CLRN1: variants seen among roughly 807,000 people sequenced by gnomAD.
CLRN1 encodes clarin 1.
CLRN1 carries 15 observed loss-of-function variants against 18.7 expected under a neutral mutation model. The observed-to-expected ratio is 0.80, with a 90% confidence interval of 0.54 to 1.23. The LOEUF (loss-of-function observed/expected upper bound fraction) is 1.23. CLRN1 is among the 50% of genes most tolerant of loss of function. The pLI is 0.00. For synonymous variants in CLRN1, 104 were observed against 102.9 expected, an observed-to-expected ratio of 1.01 and a Z score of -0.07; for missense variants, 311 against 277.5, an observed-to-expected ratio of 1.12 and a Z score of -0.86.
upstream of CLRN1, chr3:150,972,745 A>G: frequency 1.9e-6 from 3 of 1,614,128 alleles, no homozygotes; most frequent in Non-Finnish European, 2.5e-6. Context: ...AGGTTCAAAA[A>G]CAAGACCTTT....
chr3:150,969,292 A>AATATATATAT lies in CLRN1; in HGVS notation c.253+3154_253+3163dup, dbSNP rs766087778. On this transcript the variant is annotated intron_variant, in intron 1 of 2. Transcript: ENST00000327047. ...AGTACATATGTGGCTTGTGGCTTGT[A>AATATATATAT]ATATATATATATATATATATATTTT... is the stretch of plus-strand genomic sequence containing the variant. Among the ~76,000 whole-genome samples, 263 of 61,386 alleles carry AATATATATAT rather than the reference A, an allele frequency of 4.3e-3. 2 individuals are homozygous for AATATATATAT. Among genetic ancestry groups the AATATATATAT allele is most frequent in the East Asian group, 0.028 (46 of 1,658 alleles). The allele number at this position is 61,386 out of a possible 152,430, so 40.3% of individuals were successfully genotyped here.
At chr3:150,942,583 A>T (rs1438747703) in intron 1 of CLRN1, 4 of 455,418 alleles carry the variant, frequency 8.8e-6, no homozygotes, top group Middle Eastern at 3.2e-4. Context: ...TAGGTGTTGG[A>T]AGTAGAGCCA....
chr3:150,929,889 T>C (rs1713047967), intron 2 of CLRN1, among the ~76,000 whole-genome samples: 1 of 152,256 alleles, frequency 6.6e-6, no homozygotes, highest in Non-Finnish European at 1.5e-5. Flanking sequence ...ACTAATTTTA[T>C]GTCTCCTTTA....
rs1328153374 is a variant in CLRN1, at chr3:150,969,867, T to C, written c.253+2589A>G. The stretch of plus-strand genomic sequence containing the variant: ...GGTGCACGCCTGTAGTCCCAGCTAC[T>C]TGGGAGGCTGAGGCAGGAGAATCGC... On this transcript the variant is annotated intron_variant, in intron 1 of 2. Coordinates refer to ENST00000327047, the MANE Select transcript of CLRN1 (RefSeq NM_174878.3). Among the ~76,000 whole-genome samples, 3 of 152,072 alleles carry C rather than the reference T, an allele frequency of 2.0e-5. No individual in the cohort carries two copies. The East Asian group carries it at 5.8e-4, about 29-fold the overall frequency.
chr3:150,931,784 G>A (rs996928082), intron 2 of CLRN1, among the ~76,000 whole-genome samples: 1 of 152,116 alleles, frequency 6.6e-6, no homozygotes, highest in African/African-American at 2.4e-5. Flanking sequence ...AGTTATCCAT[G>A]TACACCAAGA....
At chr3:150,942,901 T>C (rs1475123113) in intron 1 of CLRN1, among the ~76,000 whole-genome samples, 1 of 152,158 alleles carries the variant, frequency 6.6e-6, no homozygotes, top group Non-Finnish European at 1.5e-5. Context: ...TGCTTTTTTT[T>C]CTTTTGGAAG....
intron 2 of CLRN1, chr3:150,940,566 T>A: frequency 6.6e-7 from 1 of 1,520,802 alleles, no homozygotes; most frequent in Non-Finnish European, 8.8e-7. Flanking sequence ...CATTACATTG[T>A]TTGCTTTGTG....
intron 1 of CLRN1, among the ~76,000 whole-genome samples, chr3:150,969,272 A>G (rs1715410252): frequency 7.1e-6 from 1 of 140,990 alleles, no homozygotes; most frequent in African/African-American, 2.7e-5. Flanking sequence ...TTAAAAGTAC[A>G]TATGTGGCTT....
In CLRN1 at chr3:150,927,046, C is replaced by T; in HGVS notation, c.*890G>A. On this transcript the variant is annotated 3_prime_UTR_variant, in exon 3 of 3. Coordinates refer to ENST00000327047, the MANE Select transcript of CLRN1 (RefSeq NM_174878.3). ...GAGACACTATAGCTAGAAAAACAGC[C>T]CCTAATAAGTCATTTTGCATCAAAT... 1 of 1,151,278 alleles carries T rather than the reference C, an allele frequency of 8.7e-7. No individual in the cohort carries two copies. The highest frequency in any genetic ancestry group is 1.3e-6 in the Non-Finnish European group (1 of 793,198). The allele number at this position is 1,151,278 out of a possible 1,614,324, so 71.3% of individuals were successfully genotyped here. A position where few individuals can be genotyped will look rare whatever the true frequency, so the allele number is the denominator to read the frequency against.
At chr3:150,950,827 A>G (rs539516148) in intron 1 of CLRN1, among the ~76,000 whole-genome samples, 1 of 152,320 alleles carries the variant, frequency 6.6e-6, no homozygotes, top group Non-Finnish European at 1.5e-5. Flanking sequence ...ATTCTACTAT[A>G]AAGACACAAG....
chr3:150,926,374 T>C, downstream of CLRN1: 1 of 255,120 alleles, frequency 3.9e-6, no homozygotes, highest in Non-Finnish European at 7.8e-6. Context: ...AACCAACTCC[T>C]CACGCAGGAG....
At chr3:150,965,795 G>C (rs1246423924) in intron 1 of CLRN1, among the ~76,000 whole-genome samples, 2 of 117,038 alleles carry the variant, frequency 1.7e-5, no homozygotes, top group Non-Finnish European at 3.8e-5. Flanking sequence ...AGGTATATGG[G>C]TGTGCGTGTG....
intron 1 of CLRN1, among the ~76,000 whole-genome samples, chr3:150,969,643 T>C (rs1358644519): frequency 6.6e-6 from 1 of 152,134 alleles, no homozygotes; most frequent in Non-Finnish European, 1.5e-5. Context: ...AGTATATTTT[T>C]ATTGGCCAGT....
At chr3:150,941,797 T>C (rs1358353961) in intron 1 of CLRN1, 36 bp from the exon 2 acceptor site, 1 of 1,558,786 alleles carries the variant, frequency 6.4e-7, no homozygotes, top group Non-Finnish European at 8.8e-7. Flanking sequence ...AGAAGAAGTT[T>C]CATTAGCAGT....
At chr3:150,966,375 C>T (rs776047103) in intron 1 of CLRN1, among the ~76,000 whole-genome samples, 2 of 152,146 alleles carry the variant, frequency 1.3e-5, no homozygotes, top group Non-Finnish European at 2.9e-5. Context: ...TAACTTCTTG[C>T]CATTATCAGT....
At chr3:150,945,447 G>T in intron 1 of CLRN1, 2 of 1,201,908 alleles carry the variant, frequency 1.7e-6, no homozygotes, top group Non-Finnish European at 2.2e-6. Context: ...GCTGGAAGGG[G>T]GCCAGGAGAG....
intron 2 of CLRN1, among the ~76,000 whole-genome samples, chr3:150,935,315 C>G (rs1713408746): frequency 8.2e-6 from 1 of 122,174 alleles, no homozygotes; most frequent in South Asian, 3.3e-4. Context: ...CCACAACAGT[C>G]CCCAGTGTGT....
At chr3:150,944,408 T>C (rs1714037491) in intron 1 of CLRN1, among the ~76,000 whole-genome samples, 1 of 151,910 alleles carries the variant, frequency 6.6e-6, no homozygotes, top group Non-Finnish European at 1.5e-5. Flanking sequence ...TTCTGAATGC[T>C]GAATAGTGAT....
intron 2 of CLRN1, among the ~76,000 whole-genome samples, chr3:150,933,003 T>A (rs1393682304): frequency 6.6e-6 from 1 of 152,228 alleles, no homozygotes; most frequent in East Asian, 1.9e-4. Flanking sequence ...AATGTTATAT[T>A]ATTGAGAAGG....
Sources: allele counts gnomAD v4.1 joint callset (sites outside exome capture counted in the v4.1 genomes callset), GRCh38; gene constraint gnomAD v4.1.1; transcripts MANE v1.5; gene names NCBI Gene and HGNC (gene_info 2026-07-23, HGNC 2026-07-21).